SLC25A21: variants seen among roughly 807,000 people sequenced by gnomAD.
SLC25A21 encodes the protein mitochondrial 2-oxodicarboxylate carrier.
Under a neutral mutation model 43.8 loss-of-function variants are expected in SLC25A21, and 47 were observed. The observed-to-expected ratio is 1.07, with a 90% CI of 0.85 to 1.37. The LOEUF is 1.37. SLC25A21 is among the 40% of genes most tolerant of loss of function. The pLI is 0.00. For missense variants in SLC25A21, 352 were observed against 350.2 expected, an observed-to-expected ratio of 1.00 and a Z score of -0.04; for synonymous variants, 131 against 121.3, an observed-to-expected ratio of 1.08 and a Z score of -0.52.
At chr14:36,748,725 G>A (rs961963091) in intron 3 of SLC25A21, among the ~76,000 whole-genome samples, 1 of 152,140 alleles carries the variant, frequency 6.6e-6, no homozygotes, top group South Asian at 2.1e-4. Context: ...CGGGTCCTAT[G>A]ACTTTAGTTA....
Position 37,131,344 on chromosome 14 carries a change from C to T in SLC25A21, c.70+40937G>A, listed in dbSNP as rs370664573. Among the ~76,000 whole-genome samples, 108 of 152,262 alleles carry T rather than the reference C, an allele frequency of 7.1e-4. 1 individual carries two copies. The South Asian group carries it at 0.022, about 30-fold the overall frequency. On this transcript the variant is annotated intron_variant, in intron 1 of 9. Transcript: ENST00000331299. ...GTGGTGACATTTCATCTTATCGGGT[C>T]CGTTTGTGAACATTCTGGTGTGGCA...
At chr14:36,725,461 G>A in intron 6 of SLC25A21, 109 bp downstream of exon 6, 1 of 496,396 alleles carries the variant, frequency 2.0e-6, no homozygotes, top group Non-Finnish European at 2.8e-6. Flanking sequence ...GGCAACAAGA[G>A]CAAAACTCTG....
intron 1 of SLC25A21, among the ~76,000 whole-genome samples, chr14:37,034,224 G>GC (rs1397775974): frequency 6.6e-6 from 1 of 152,020 alleles, no homozygotes; most frequent in Non-Finnish European, 1.5e-5. Context: ...CATCATGTTG[G>GC]CCAGGCTTGT....
At chr14:37,134,929 CTTT>C (rs34540986) in intron 1 of SLC25A21, among the ~76,000 whole-genome samples, 9 of 139,462 alleles carry the variant, frequency 6.5e-5, no homozygotes, top group Non-Finnish European at 4.7e-5. Flanking sequence ...CTCATCTCTA[CTTT>C]TTTTTTTTTT....
At chr14:37,001,411 A>G (rs2138725241) in intron 1 of SLC25A21, among the ~76,000 whole-genome samples, 1 of 152,324 alleles carries the variant, frequency 6.6e-6, no homozygotes, top group South Asian at 2.1e-4. Context: ...TCAAGGGCAC[A>G]CACTGAGCAA....
rs377224989 is a variant in SLC25A21 at position 36,717,037 on chromosome 14, A to G, written c.439-5555T>C. 7.3e-4 allele frequency among the ~76,000 whole-genome samples: 111 copies of G among 152,336 alleles called. 1 individual carries two copies. The East Asian group carries it at 0.017, about 24-fold the overall frequency. On this transcript the variant is annotated intron_variant, in intron 6 of 9. Coordinates refer to ENST00000331299, the MANE Select transcript of SLC25A21 (RefSeq NM_030631.4). ...AGACTACACAATGGAGTGAGTGTCC[A>G]TATCTGGGCCTTCAGAAAAACACTG...
intron 1 of SLC25A21, among the ~76,000 whole-genome samples, chr14:37,027,146 C>G (rs1474456498): frequency 1.3e-5 from 2 of 152,146 alleles, no homozygotes; most frequent in Non-Finnish European, 2.9e-5. Flanking sequence ...AATACTGATG[C>G]AATCTCATTT....
At chr14:36,745,880 A>T (rs181115248) in intron 3 of SLC25A21, among the ~76,000 whole-genome samples, 1 of 152,300 alleles carries the variant, frequency 6.6e-6, no homozygotes, top group African/African-American at 2.4e-5. Flanking sequence ...TCATCAGAAA[A>T]ATGCAAATTA....
At chr14:36,929,585 G>A (rs1489635558) in intron 1 of SLC25A21, among the ~76,000 whole-genome samples, 1 of 152,086 alleles carries the variant, frequency 6.6e-6, no homozygotes, top group South Asian at 2.1e-4. Context: ...CGCATGGTTC[G>A]AAGTAGCAGG....
intron 1 of SLC25A21, among the ~76,000 whole-genome samples, chr14:36,897,982 G>C (rs999515924): frequency 2.6e-5 from 4 of 152,374 alleles, no homozygotes; most frequent in Non-Finnish European, 2.9e-5. Flanking sequence ...TTTGGGGTCA[G>C]GGACCCACTT....
At chr14:37,149,815 A>G (rs1963728222) in intron 1 of SLC25A21, among the ~76,000 whole-genome samples, 1 of 152,088 alleles carries the variant, frequency 6.6e-6, no homozygotes, top group Admixed American at 6.5e-5. Flanking sequence ...AGCTGTATAC[A>G]TTTCTCATTA....
At chr14:36,749,756 G>A (rs1246981482) in intron 3 of SLC25A21, among the ~76,000 whole-genome samples, 1 of 152,134 alleles carries the variant, frequency 6.6e-6, no homozygotes, top group Non-Finnish European at 1.5e-5. Context: ...ACCTCACAAA[G>A]CCGCAGGGCT....
chr14:37,172,577 C>T lies in SLC25A21; in HGVS notation c.-227G>A, dbSNP rs961390361. 1 of 699,086 alleles carries T rather than the reference C, an allele frequency of 1.4e-6. No homozygotes were observed. Among genetic ancestry groups the T allele is most frequent in the Non-Finnish European group, 2.6e-6 (1 of 383,028 alleles). The allele number at this position is 699,086 out of a possible 1,614,324, so 43.3% of individuals were successfully genotyped here. Reference sequence around the variant, plus strand: ...TTCGCAGCGCTCTCGCAGAGGCGCCCTCGGCTCCGAAAATGTCTCTGGAAA... The same window carrying T: ...TTCGCAGCGCTCTCGCAGAGGCGCCTTCGGCTCCGAAAATGTCTCTGGAAA... On this transcript the variant is annotated 5_prime_UTR_variant, in exon 1 of 10. Transcript: ENST00000331299.
intron 3 of SLC25A21, among the ~76,000 whole-genome samples, chr14:36,762,244 A>C (rs1886185187): frequency 6.6e-6 from 1 of 152,224 alleles, no homozygotes; most frequent in Non-Finnish European, 1.5e-5. Context: ...ACTATCAGGC[A>C]CTGGGTTAGT....
rs75351762 is a variant in SLC25A21 at position 37,105,426 on chromosome 14, T to C, written c.70+66855A>G. Reference sequence around the variant, plus strand: ...AGAAAATGTGGTGTCTAATCCTGAATACAAAACAGAAGCCTAAGGTATCCC... The same window carrying C: ...AGAAAATGTGGTGTCTAATCCTGAACACAAAACAGAAGCCTAAGGTATCCC... On this transcript the variant is annotated intron_variant, in intron 1 of 9. Transcript: ENST00000331299. Among the ~76,000 whole-genome samples the C allele has an allele frequency of 7.6e-3, 1,163 of 152,248 alleles. 5 individuals are homozygous for C. The highest frequency in any genetic ancestry group is 0.013 in the Non-Finnish European group (865 of 68,000).
At chr14:36,699,347 A>G (rs189769760) in intron 7 of SLC25A21, among the ~76,000 whole-genome samples, 1 of 151,940 alleles carries the variant, frequency 6.6e-6, no homozygotes, top group African/African-American at 2.4e-5. Context: ...GGCCACCTAT[A>G]TGAGGGGTCT....
At chr14:36,994,971 TA>T (rs1490078605) in intron 1 of SLC25A21, among the ~76,000 whole-genome samples, 7 of 152,182 alleles carry the variant, frequency 4.6e-5, no homozygotes, top group Admixed American at 3.3e-4. Context: ...ATTATGTCTT[TA>T]AAAATAGTTA....
intron 1 of SLC25A21, among the ~76,000 whole-genome samples, chr14:37,149,242 C>T (rs1302508544): frequency 6.6e-6 from 1 of 152,012 alleles, no homozygotes; most frequent in East Asian, 1.9e-4. Flanking sequence ...GCTCAAAATA[C>T]AAGGTATACA....
At chr14:37,105,421 C>T (rs1157575399) in intron 1 of SLC25A21, among the ~76,000 whole-genome samples, 1 of 152,138 alleles carries the variant, frequency 6.6e-6, no homozygotes, top group African/African-American at 2.4e-5. Context: ...GTGTCTAATC[C>T]TGAATACAAA....
Sources: allele counts gnomAD v4.1 joint callset (sites outside exome capture counted in the v4.1 genomes callset), GRCh38; gene constraint gnomAD v4.1.1; transcripts MANE v1.5; gene names NCBI Gene and HGNC (gene_info 2026-07-23, HGNC 2026-07-21).